The following TRPC7 variants were observed in gnomAD, a reference collection of about 807,000 sequenced individuals.
TRPC7 encodes short transient receptor potential channel 7.
A neutral mutation model predicts 90.1 loss-of-function variants in TRPC7; 42 were observed. The ratio of observed to expected loss-of-function variants is 0.47; its 90% CI spans 0.36 to 0.60. TRPC7 has a LOEUF of 0.60. Among genes scored for constraint, TRPC7 ranks in the 20% least tolerant of loss-of-function variants. The pLI is 0.00. For synonymous variants in TRPC7, 451 were observed against 436.3 expected, an observed-to-expected ratio of 1.03 and a Z score of -0.42; for missense variants, 955 against 1,112.3, an observed-to-expected ratio of 0.86 and a Z score of 2.01.
At position 136,240,567 on chromosome 5, in the gene TRPC7, C is replaced by A. The variant is rs75581928; in HGVS notation, c.1844+6904G>T. On this transcript the variant is annotated intron_variant, in intron 7 of 11. Coordinates refer to ENST00000513104, the MANE Select transcript of TRPC7 (RefSeq NM_020389.3). ...GAATCAGCAGGTTCTCAATGGTAAT[C>A]AAAATCGGAGTTAGTATGCTCTTTT... Among the ~76,000 whole-genome samples, 581 of 152,310 alleles carry A rather than the reference C, an allele frequency of 3.8e-3. 2 individuals carry two copies. The highest frequency in any genetic ancestry group is 0.013 in the African/African-American group (557 of 41,556).
intron 8 of TRPC7, among the ~76,000 whole-genome samples, chr5:136,230,098 C>G (rs755849361): frequency 4.6e-5 from 7 of 152,208 alleles, no homozygotes; most frequent in Non-Finnish European, 8.8e-5. Flanking sequence ...GACTATATCA[C>G]AGTTTATTTA....
chr5:136,285,889 C>G (rs1315339332), intron 3 of TRPC7, among the ~76,000 whole-genome samples: 1 of 152,166 alleles, frequency 6.6e-6, no homozygotes, highest in African/African-American at 2.4e-5. Context: ...GACAACCCTG[C>G]CCAAAGTAGA....
chr5:136,234,130 A>C (rs1306955709), intron 7 of TRPC7, among the ~76,000 whole-genome samples: 1 of 151,996 alleles, frequency 6.6e-6, no homozygotes, highest in African/African-American at 2.4e-5. Flanking sequence ...CATCTGTTTT[A>C]TTTCTGTTCT....
intron 8 of TRPC7, among the ~76,000 whole-genome samples, chr5:136,228,676 A>C (rs1430704517): frequency 1.3e-5 from 2 of 151,920 alleles, no homozygotes; most frequent in Non-Finnish European, 2.9e-5. Flanking sequence ...TGAGTTGTGG[A>C]TTTGGACAGC....
At chr5:136,290,335 A>C (rs536553711) in intron 3 of TRPC7, among the ~76,000 whole-genome samples, 2 of 152,290 alleles carry the variant, frequency 1.3e-5, no homozygotes, top group South Asian at 4.1e-4. Context: ...CAGAAGATCA[A>C]ACTACTCCGA....
intron 2 of TRPC7, among the ~76,000 whole-genome samples, chr5:136,352,263 T>A (rs143014144): frequency 7.6e-4 from 115 of 152,316 alleles, no homozygotes; most frequent in African/African-American, 2.7e-3. Context: ...TATTCCCTTG[T>A]CATCCTTTCT....
chr5:136,306,444 G>A (rs899222099), intron 3 of TRPC7, among the ~76,000 whole-genome samples: 2 of 151,954 alleles, frequency 1.3e-5, no homozygotes, highest in East Asian at 1.9e-4. Flanking sequence ...ACCTAATCCC[G>A]CTTGAAGCAG....
intron 3 of TRPC7, among the ~76,000 whole-genome samples, chr5:136,300,062 G>C (rs1268849298): frequency 2.0e-5 from 3 of 152,148 alleles, no homozygotes; most frequent in Non-Finnish European, 2.9e-5. Flanking sequence ...TGCTTTAAAG[G>C]ATTATCCTTT....
At chr5:136,301,332 A>ATTTTTTTT (rs368799815) in intron 3 of TRPC7, among the ~76,000 whole-genome samples, 4 of 85,696 alleles carry the variant, frequency 4.7e-5, no homozygotes, top group Non-Finnish European at 4.3e-5. Flanking sequence ...CAGCCCAGGC[A>ATTTTTTTT]TTTTTTTTTT....
chr5:136,323,105 T>C (rs1759246849), intron 2 of TRPC7, among the ~76,000 whole-genome samples: 1 of 152,220 alleles, frequency 6.6e-6, no homozygotes, highest in Admixed American at 6.5e-5. Flanking sequence ...GTTTCCCCCA[T>C]ACTGTTCTTG....
At chr5:136,222,904 G>A (rs74873354) in intron 10 of TRPC7, among the ~76,000 whole-genome samples, 2,176 of 152,268 alleles carry the variant, frequency 0.014, 43 homozygotes, top group African/African-American at 0.043. Context: ...AAGGAATATG[G>A]GAGAGTACAC....
chr5:136,278,044 T>G (rs17762209), intron 3 of TRPC7, among the ~76,000 whole-genome samples: 26,198 of 152,144 alleles, frequency 0.17, 2,595 homozygotes, highest in South Asian at 0.38. Context: ...AGATGGACTG[T>G]CCAAGGACCT....
intron 2 of TRPC7, among the ~76,000 whole-genome samples, chr5:136,354,150 C>T (rs1267412800): frequency 1.3e-5 from 2 of 152,162 alleles, no homozygotes; most frequent in Admixed American, 6.5e-5. Flanking sequence ...CTGTTCCTTT[C>T]GCACGGCCAA....
Position 136,301,683 on chromosome 5 carries a change from G to A in TRPC7, c.963+13914C>T, listed in dbSNP as rs542642088. ...GCAAAACATTGCTCTTAACTTCACC[G>A]CCTATCCCAAAACCTATAAGAACTA... On this transcript the variant is annotated intron_variant, in intron 3 of 11. Transcript: ENST00000513104. Among the ~76,000 whole-genome samples, 37 of 152,128 alleles carry A rather than the reference G, an allele frequency of 2.4e-4. 1 individual carries two copies. The South Asian group carries it at 4.6e-3, about 19-fold the overall frequency.
chr5:136,329,430 G>A (rs377024457), intron 2 of TRPC7, among the ~76,000 whole-genome samples: 42 of 152,278 alleles, frequency 2.8e-4, no homozygotes, highest in African/African-American at 9.4e-4. Flanking sequence ...TGATGTAAGT[G>A]CCTTGCGACA....
intron 10 of TRPC7, 49 bp downstream of exon 10, chr5:136,225,225 T>G: frequency 6.5e-7 from 1 of 1,533,902 alleles, no homozygotes; most frequent in African/African-American, 1.4e-5. Flanking sequence ...TGTGTCTTAG[T>G]GGAGTCTACT....
intron 10 of TRPC7, among the ~76,000 whole-genome samples, chr5:136,219,163 G>T (rs1561675914): frequency 6.6e-6 from 1 of 152,184 alleles, no homozygotes; most frequent in Non-Finnish European, 1.5e-5. Context: ...TCATACAATG[G>T]TCATCCCTTG....
rs529667756 is a variant in TRPC7 at position 136,361,117 on chromosome 5, G to T, written c.3-3732C>A. ...CAGATGTGCTGCCCTGATGAACTCT[G>T]GAGATCTTATCACAGTTTTAGGGCC... On this transcript the variant is annotated intron_variant, in intron 1 of 11. Transcript: ENST00000513104. Among the ~76,000 whole-genome samples the T allele has an allele frequency of 1.2e-4, 19 of 152,210 alleles. 1 individual carries two copies. In the South Asian group the frequency reaches 3.7e-3, roughly 30 times the overall value.
At chr5:136,263,133 C>T (rs971210176) in intron 5 of TRPC7, among the ~76,000 whole-genome samples, 2 of 152,224 alleles carry the variant, frequency 1.3e-5, no homozygotes, top group Non-Finnish European at 2.9e-5. Flanking sequence ...GAACCGTTTT[C>T]AGAGCTTACC....
Sources: gnomAD v4.1 joint callset for allele counts (sites outside exome capture counted in the v4.1 genomes callset) on GRCh38, gnomAD v4.1.1 for gene constraint, MANE v1.5 for transcripts, NCBI Gene and HGNC (gene_info 2026-07-23, HGNC 2026-07-21) for gene names.